The following PDE10A variants were observed in gnomAD, a reference collection of about 807,000 sequenced individuals.
PDE10A encodes the protein cAMP and cAMP-inhibited cGMP 3',5'-cyclic phosphodiesterase 10A.
A neutral mutation model predicts 97.7 loss-of-function variants in PDE10A; 39 were observed. That is an observed-to-expected ratio of 0.40 (90% CI 0.31 to 0.52). The LOEUF (loss-of-function observed/expected upper bound fraction) is 0.52, where lower values mean the gene tolerates loss of function less well. Ranked by LOEUF, PDE10A falls within the 20% of genes least tolerant of loss-of-function variation. PDE10A has a pLI of 0.56. For synonymous variants in PDE10A, 371 were observed against 376.8 expected (o/e 0.98, Z 0.18); for missense variants, 731 against 1,047.8 (o/e 0.70, Z 4.17).
intron 10 of PDE10A, among the ~76,000 whole-genome samples, chr6:165,425,506 G>A (rs997525872): frequency 5.7e-4 from 86 of 151,912 alleles, no homozygotes; most frequent in African/African-American, 2.0e-3. Context: ...ATAAAAACAC[G>A]CAATAAAGTA....
At chr6:165,495,142 C>T (rs945200779) in intron 2 of PDE10A, among the ~76,000 whole-genome samples, 1 of 152,138 alleles carries the variant, frequency 6.6e-6, no homozygotes, top group Non-Finnish European at 1.5e-5. Context: ...TGCCAGACAC[C>T]GAATAAATGT....
intron 1 of PDE10A, among the ~76,000 whole-genome samples, chr6:165,771,416 GTTCCACT>G (rs1222188137): frequency 6.6e-6 from 1 of 151,946 alleles, no homozygotes; most frequent in African/African-American, 2.4e-5. Flanking sequence ...CGTTTGCATT[GTTCCACT>G]ATAACCAGAG....
At chr6:165,837,588 A>G (rs1780096991) in intron 1 of PDE10A, among the ~76,000 whole-genome samples, 1 of 151,712 alleles carries the variant, frequency 6.6e-6, no homozygotes, top group Admixed American at 6.6e-5. Flanking sequence ...ACACCTCACT[A>G]ATTGTGAATG....
chr6:165,513,346 C>T (rs1016572887), intron 2 of PDE10A, among the ~76,000 whole-genome samples: 6 of 151,932 alleles, frequency 3.9e-5, no homozygotes, highest in South Asian at 2.1e-4. Flanking sequence ...GTGAGTTGAC[C>T]GTGTACAGAT....
At chr6:165,395,760 T>C (rs1659368422) in intron 14 of PDE10A, among the ~76,000 whole-genome samples, 1 of 152,166 alleles carries the variant, frequency 6.6e-6, no homozygotes, top group Admixed American at 6.6e-5. Context: ...TAATATATAC[T>C]ATAATTTCAA....
intron 18 of PDE10A, among the ~76,000 whole-genome samples, chr6:165,360,771 A>G (rs186009107): frequency 1.1e-4 from 17 of 152,338 alleles, no homozygotes; most frequent in Non-Finnish European, 2.1e-4. Flanking sequence ...TGTTGTAAAC[A>G]ATAAAGCCAC....
intron 1 of PDE10A, among the ~76,000 whole-genome samples, chr6:165,793,886 GT>G (rs1217099829): frequency 6.6e-6 from 1 of 152,178 alleles, no homozygotes; most frequent in African/African-American, 2.4e-5. Context: ...AATGGGCCAG[GT>G]ACTGGGATTG....
upstream of PDE10A, among the ~76,000 whole-genome samples, chr6:165,667,971 T>C (rs1172908342): frequency 1.3e-5 from 2 of 152,124 alleles, no homozygotes; most frequent in Non-Finnish European, 2.9e-5. Flanking sequence ...ATTTGTAGAG[T>C]GCTGAAACAG....
At chr6:165,964,732 T>C (rs1477223425) in intron 1 of PDE10A, among the ~76,000 whole-genome samples, 1 of 152,206 alleles carries the variant, frequency 6.6e-6, no homozygotes, top group East Asian at 1.9e-4. Flanking sequence ...GAGAGATGTG[T>C]ACATGAAATC....
chr6:165,857,718 TGTGTGTGTGTGTGTGTGTGA>T (rs1483445405), intron 1 of PDE10A, among the ~76,000 whole-genome samples: 46 of 143,836 alleles, frequency 3.2e-4, no homozygotes, highest in Admixed American at 2.3e-3. Flanking sequence ...TGTGTGTGTG[TGTGTGTGTGTGTGTGTGTGA>T]AGAATGATTG....
chr6:165,346,403 G>A (rs959731403), intron 18 of PDE10A, among the ~76,000 whole-genome samples: 8 of 152,070 alleles, frequency 5.3e-5, no homozygotes, highest in Admixed American at 2.0e-4. Context: ...TCTCTCTCCC[G>A]TCTTCGTTTC....
intron 16 of PDE10A, among the ~76,000 whole-genome samples, chr6:165,391,420 G>A (rs1393934904): frequency 3.3e-5 from 5 of 152,110 alleles, no homozygotes; most frequent in African/African-American, 9.7e-5. Context: ...CAACTTGAAA[G>A]TATAATTTCT....
intron 18 of PDE10A, among the ~76,000 whole-genome samples, chr6:165,373,067 T>C (rs868613276): frequency 6.8e-6 from 1 of 147,916 alleles, no homozygotes; most frequent in South Asian, 2.1e-4. Context: ...ACACCTTATA[T>C]AAAAATTAAT....
intron 18 of PDE10A, among the ~76,000 whole-genome samples, chr6:165,345,526 ACTG>A (rs2128182554): frequency 6.6e-6 from 1 of 152,330 alleles, no homozygotes; most frequent in East Asian, 1.9e-4. Context: ...TGTAGAACTG[ACTG>A]CTAACTGAGG....
chr6:165,558,268 G>C (rs1003095672), intron 1 of PDE10A, among the ~76,000 whole-genome samples: 93 of 152,302 alleles, frequency 6.1e-4, no homozygotes, highest in Non-Finnish European at 1.1e-3. Flanking sequence ...GGAATACTAT[G>C]CAGCCATAAA....
At chr6:165,766,638 G>C (rs887273819) in intron 1 of PDE10A, among the ~76,000 whole-genome samples, 1 of 152,194 alleles carries the variant, frequency 6.6e-6, no homozygotes, top group Non-Finnish European at 1.5e-5. Context: ...GAAAACACAC[G>C]TTCAGGCGGT....
chr6:165,852,492 T>TGAATG (rs1202710013), intron 1 of PDE10A, among the ~76,000 whole-genome samples: 1 of 152,252 alleles, frequency 6.6e-6, no homozygotes, highest in Non-Finnish European at 1.5e-5. Flanking sequence ...TTCAAAATGC[T>TGAATG]GAATGAATTG....
At chr6:165,984,551 A>C (rs1003997252) in intron 1 of PDE10A, among the ~76,000 whole-genome samples, 1 of 152,376 alleles carries the variant, frequency 6.6e-6, no homozygotes, top group Middle Eastern at 3.4e-3. Flanking sequence ...GTACCTTTAC[A>C]GAGCGACCCG....
At chr6:165,666,613 A>T (rs1790502868), upstream of PDE10A, among the ~76,000 whole-genome samples, 1 of 152,136 alleles carries the variant, frequency 6.6e-6, no homozygotes, top group Admixed American at 6.5e-5. Flanking sequence ...ATTAAAATGG[A>T]GTTCAGCTTC....
Sources: allele counts gnomAD v4.1 joint callset (sites outside exome capture counted in the v4.1 genomes callset), GRCh38; gene constraint gnomAD v4.1.1; transcripts MANE v1.5; gene names NCBI Gene and HGNC (gene_info 2026-07-23, HGNC 2026-07-21).